The following MAPK4 variants were observed in gnomAD, a reference collection of about 807,000 sequenced individuals.
MAPK4 encodes Erk3-related.
MAPK4 carries 22 observed loss-of-function variants against 47.7 expected under a neutral mutation model. The observed-to-expected ratio is 0.46, with a 90% CI of 0.33 to 0.66. MAPK4 has a LOEUF of 0.66. MAPK4 is among the 30% of genes least tolerant of loss of function. The pLI is 0.02. For missense variants in MAPK4, 736 were observed against 831.7 expected (o/e 0.88, Z 1.42); for synonymous variants, 390 against 365.7 (o/e 1.07, Z -0.76).
chr18:50,620,879 G>T (rs1251638756), intron 1 of MAPK4, among the ~76,000 whole-genome samples: 1 of 152,060 alleles, frequency 6.6e-6, no homozygotes, highest in East Asian at 1.9e-4. Context: ...TGTTTGGAGA[G>T]GTTATCCTTG....
At chr18:50,656,322 A>G (rs2043109441) in intron 1 of MAPK4, among the ~76,000 whole-genome samples, 1 of 152,182 alleles carries the variant, frequency 6.6e-6, no homozygotes, top group African/African-American at 2.4e-5. Context: ...GCGGGGCTGT[A>G]GTCCACTCAG....
At chr18:50,702,280 G>A (rs767396231) in intron 2 of MAPK4, among the ~76,000 whole-genome samples, 25 of 151,812 alleles carry the variant, frequency 1.6e-4, no homozygotes, top group Non-Finnish European at 3.1e-4. Flanking sequence ...CAAGCTGGGC[G>A]TGGTGGTGCA....
intron 2 of MAPK4, among the ~76,000 whole-genome samples, chr18:50,677,947 T>C (rs910265421): frequency 6.6e-6 from 1 of 151,928 alleles, no homozygotes; most frequent in African/African-American, 2.4e-5. Context: ...GCTGGTGGGG[T>C]GAGGGTGGGT....
chr18:50,587,802 C>A (rs1293124145), intron 1 of MAPK4, among the ~76,000 whole-genome samples: 6 of 152,168 alleles, frequency 3.9e-5, no homozygotes, highest in Non-Finnish European at 8.8e-5. Context: ...GATCTCGGCT[C>A]ATTGCAACTT....
chr18:50,602,486 G>T (rs2042549179), intron 1 of MAPK4, among the ~76,000 whole-genome samples: 1 of 152,188 alleles, frequency 6.6e-6, no homozygotes, highest in African/African-American at 2.4e-5. Context: ...TGGTGACTGT[G>T]TGATACTTTA....
intron 1 of MAPK4, among the ~76,000 whole-genome samples, chr18:50,632,002 G>A (rs2042834796): frequency 1.3e-5 from 2 of 152,204 alleles, no homozygotes; most frequent in Non-Finnish European, 2.9e-5. Flanking sequence ...TTAGGTGTCT[G>A]TTGCTGTTGG....
In MAPK4 at chr18:50,588,356, C is replaced by A. The variant is rs376802204; in HGVS notation, c.-871+28113C>A. Among the ~76,000 whole-genome samples the A allele has an allele frequency of 5.3e-5, 8 of 152,244 alleles. No individual in the cohort carries two copies. In the East Asian group the frequency reaches 7.7e-4, roughly 15 times the overall value. On this transcript the variant is annotated intron_variant, in intron 1 of 5. Coordinates refer to ENST00000400384, the MANE Select transcript of MAPK4 (RefSeq NM_002747.4). ...TCTCTGTGTCTAGCTTGGGCTTCCTCACAGCATGGTGGTCTCTGGGTAGTT... is the reference window on the plus strand; with the variant it reads ...TCTCTGTGTCTAGCTTGGGCTTCCTAACAGCATGGTGGTCTCTGGGTAGTT...
At chr18:50,701,908 C>T (rs185323386) in intron 2 of MAPK4, among the ~76,000 whole-genome samples, 55 of 152,278 alleles carry the variant, frequency 3.6e-4, no homozygotes, top group African/African-American at 1.1e-3. Context: ...GTAATCCCAA[C>T]GCTTTGGGAG....
chr18:50,688,889 T>TAAAAAAAAAA (rs35330620), intron 2 of MAPK4, among the ~76,000 whole-genome samples: 12 of 115,804 alleles, frequency 1.0e-4, no homozygotes, highest in Non-Finnish European at 1.4e-4. Context: ...CCTATGGAAA[T>TAAAAAAAAAA]AAAAAAAAAA....
intron 1 of MAPK4, among the ~76,000 whole-genome samples, chr18:50,645,351 G>A (rs557958391): frequency 8.5e-5 from 13 of 152,050 alleles, no homozygotes; most frequent in Non-Finnish European, 1.6e-4. Context: ...AGAGGTGAAC[G>A]CCAACGTGCT....
intron 2 of MAPK4, among the ~76,000 whole-genome samples, chr18:50,692,957 G>A (rs765120115): frequency 3.3e-5 from 5 of 152,106 alleles, no homozygotes; most frequent in Admixed American, 6.5e-5. Context: ...ATCCTAAGGC[G>A]TTAAATAGAT....
chr18:50,726,114 G>A lies in MAPK4; in HGVS notation c.1006G>A (p.Asp336Asn), dbSNP rs757002674. 10 of 1,614,148 alleles carry A rather than the reference G, an allele frequency of 6.2e-6. No homozygotes were observed. The highest frequency in any genetic ancestry group is 1.3e-5 in the African/African-American group (1 of 75,024). The stretch of plus-strand genomic sequence containing the variant: ...CTTCCGCATTGAGGATGAGATCGAC[G>A]ACATCGTGCTGATGGCCGCTAACCA... Reference protein sequence around the residue: ...HPFRIEDEIDDIVLMAANQSQ... With the variant: ...HPFRIEDEIDNIVLMAANQSQ... Residue 336 changes from aspartate to asparagine, a missense_variant, in exon 5 of 6, where the codon GAC (aspartate) becomes AAC (asparagine). Coordinates refer to ENST00000400384, the MANE Select transcript of MAPK4 (RefSeq NM_002747.4).
intron 1 of MAPK4, among the ~76,000 whole-genome samples, chr18:50,570,854 G>A (rs1183007177): frequency 1.3e-5 from 2 of 152,184 alleles, no homozygotes; most frequent in Non-Finnish European, 2.9e-5. Context: ...TGAAAAGGCT[G>A]GACAAAGGGA....
chr18:50,565,698 A>T (rs1029237207), intron 1 of MAPK4, among the ~76,000 whole-genome samples: 1 of 152,158 alleles, frequency 6.6e-6, no homozygotes, highest in African/African-American at 2.4e-5. Context: ...ATGTTTAGAC[A>T]TATTTAGGTG....
At chr18:50,693,178 G>A (rs1019979198) in intron 2 of MAPK4, among the ~76,000 whole-genome samples, 3 of 152,098 alleles carry the variant, frequency 2.0e-5, no homozygotes, top group African/African-American at 7.2e-5. Flanking sequence ...AGAATCACTT[G>A]AACCTGGGAG....
At chr18:50,661,948 A>G (rs1311108263) in intron 1 of MAPK4, among the ~76,000 whole-genome samples, 1 of 152,198 alleles carries the variant, frequency 6.6e-6, no homozygotes, top group Non-Finnish European at 1.5e-5. Context: ...TATGTTCTAG[A>G]CCCTTGGCAA....
intron 2 of MAPK4, chr18:50,704,407 G>T (rs1909944169): frequency 2.5e-6 from 1 of 396,202 alleles, no homozygotes; most frequent in Non-Finnish European, 4.4e-6. Flanking sequence ...TACTTGGGAG[G>T]CAGGAGGATC....
At chr18:50,607,702 T>C (rs1312455020) in intron 1 of MAPK4, among the ~76,000 whole-genome samples, 1 of 152,226 alleles carries the variant, frequency 6.6e-6, no homozygotes, top group East Asian at 1.9e-4. Flanking sequence ...TTTCCATCAG[T>C]CATCCAAGGC....
intron 1 of MAPK4, among the ~76,000 whole-genome samples, chr18:50,584,829 C>T (rs1269432138): frequency 6.6e-6 from 1 of 152,218 alleles, no homozygotes; most frequent in African/African-American, 2.4e-5. Flanking sequence ...AACCAAGAGA[C>T]TGACCTGCAC....
Sources: allele counts gnomAD v4.1 joint callset (sites outside exome capture counted in the v4.1 genomes callset), GRCh38; gene constraint gnomAD v4.1.1; transcripts MANE v1.5; gene names NCBI Gene and HGNC (gene_info 2026-07-23, HGNC 2026-07-21).